Variants in UPRT observed in about 807,000 individuals in gnomAD.
UPRT encodes the protein RP11-311P8.3.
Under a neutral mutation model 22.6 loss-of-function variants are expected in UPRT, and 5 were observed. The observed-to-expected ratio is 0.22, with a 90% CI of 0.12 to 0.47. UPRT has a LOEUF of 0.47. Ranked by LOEUF, UPRT falls within the 20% of genes least tolerant of loss-of-function variation. The pLI is 0.99. For synonymous variants in UPRT, 77 were observed against 87.7 expected (o/e 0.88, Z 0.68); for missense variants, 181 against 239.9 (o/e 0.75, Z 1.62).
At chrX:75,235,223 C>A (rs1234610371) in intron 4 of UPRT, among the ~76,000 whole-genome samples, 1 of 111,479 alleles carries the variant, frequency 9.0e-6, no homozygotes, top group African/African-American at 3.3e-5. Flanking sequence ...TACACCCTCC[C>A]AAGACTAAAC....
At chrX:75,176,603 G>A (rs1004669641) in intron 4 of UPRT, among the ~76,000 whole-genome samples, 3 of 111,024 alleles carry the variant, frequency 2.7e-5, no homozygotes, top group Non-Finnish European at 3.8e-5. Context: ...CCGATAGCCT[G>A]GGGTTTTTTG....
intron 4 of UPRT, among the ~76,000 whole-genome samples, chrX:75,220,362 ACT>A (rs747530283): frequency 9.0e-6 from 1 of 110,731 alleles, no homozygotes; most frequent in East Asian, 2.9e-4. Flanking sequence ...CCATTCAGCC[ACT>A]CTTTCTCATT....
rs189538352 is a variant in UPRT, at chrX:75,221,113, T to C, written c.-447+53234T>C. Among the ~76,000 whole-genome samples the C allele has an allele frequency of 2.6e-3, 287 of 111,919 alleles. 1 individual carries two copies. Among genetic ancestry groups the C allele is most frequent in the African/African-American group, 8.7e-3 (268 of 30,933 alleles). On this transcript the variant is annotated intron_variant, in intron 4 of 13. Coordinates refer to the UPRT transcript ENST00000652605. ...ATTCTAGTGTAAACATGTTTCTTCTTTTAGCACTTTAAATATGTTATGCCA... is the reference window on the plus strand; with the variant it reads ...ATTCTAGTGTAAACATGTTTCTTCTCTTAGCACTTTAAATATGTTATGCCA...
intron 4 of UPRT, among the ~76,000 whole-genome samples, chrX:75,170,035 C>CTT (rs34570333): frequency 0.014 from 764 of 53,380 alleles, 15 homozygotes; most frequent in African/African-American, 0.041. Flanking sequence ...CGCTCTGTGT[C>CTT]TTTTTTTTTT....
upstream of UPRT, among the ~76,000 whole-genome samples, chrX:75,271,685 A>C (rs2082608485): frequency 8.9e-6 from 1 of 112,353 alleles, no homozygotes; most frequent in Non-Finnish European, 1.9e-5. Context: ...CAGCAAAAGG[A>C]ACAGTCAGCA....
chrX:75,285,626 C>A (rs759475963), intron 1 of UPRT: 1 of 111,565 alleles, frequency 9.0e-6, no homozygotes, highest in South Asian at 3.8e-4. Flanking sequence ...ACAGTTGGGG[C>A]ACTCACAGTA....
At chrX:75,224,998 A>G (rs1023289171) in intron 4 of UPRT, among the ~76,000 whole-genome samples, 8 of 111,419 alleles carry the variant, frequency 7.2e-5, no homozygotes, top group African/African-American at 2.6e-4. Flanking sequence ...GGTGAGAACA[A>G]TGGCAAGCTT....
rs1255954207 is a variant in UPRT, at chrX:75,304,714, A to G, written c.*1203A>G. 1 of 112,200 alleles carries G rather than the reference A, an allele frequency of 8.9e-6. No homozygotes were observed. The highest frequency in any genetic ancestry group is 1.9e-5 in the Non-Finnish European group (1 of 53,250). The allele number at this position is 112,200 out of a possible 1,213,427, so 9.2% of individuals were successfully genotyped here. ...GAAGGAAATGTCTTAGAAAGAATCA[A>G]AGCTGATGAAATCAGCAAAGATTGG... On this transcript the variant is annotated 3_prime_UTR_variant, in exon 7 of 7. Coordinates refer to ENST00000373383, the MANE Select transcript of UPRT (RefSeq NM_145052.4).
At chrX:75,271,365 G>C (rs1186612319), upstream of UPRT, among the ~76,000 whole-genome samples, 1 of 111,264 alleles carries the variant, frequency 9.0e-6, no homozygotes, top group Non-Finnish European at 1.9e-5. Context: ...ACTGATCTTC[G>C]ACAAAGCAAA....
chrX:75,182,541 A>T (rs1054503597), intron 4 of UPRT, among the ~76,000 whole-genome samples: 22 of 111,424 alleles, frequency 2.0e-4, no homozygotes, highest in African/African-American at 6.8e-4. Context: ...AAGACTCATT[A>T]TTGGTCAGTT....
chrX:75,190,495 T>C (rs2082311226), intron 4 of UPRT, among the ~76,000 whole-genome samples: 1 of 111,677 alleles, frequency 9.0e-6, no homozygotes, highest in South Asian at 3.8e-4. Flanking sequence ...TGTGGACTTT[T>C]CTGTATTTCC....
chrX:75,156,549 TAGTTA>T lies in UPRT; in HGVS notation c.-737+4_-737+8del, dbSNP rs2082180131. 2 of 458,058 alleles carry T rather than the reference TAGTTA, an allele frequency of 4.4e-6. No homozygotes were observed. 37.7% of individuals were successfully genotyped at this position (458,058 alleles called of 1,213,427 possible). On this transcript the variant is annotated splice_donor_variant and splice_donor_region_variant and 5_prime_UTR_variant and intron_variant, in exon 1 of 14. Transcript: ENST00000652605. LOFTEE classifies it low-confidence loss of function (5UTR_SPLICE). Reference sequence around the variant, plus strand: ...CCAGATGAAATACAGGATGCCTACCTAGTTAAGTTTCAATTTTACATAAACAACGA... The same window carrying T: ...CCAGATGAAATACAGGATGCCTACCTAGTTTCAATTTTACATAAACAACGA...
chrX:75,260,479 A>T (rs780451305), intron 4 of UPRT, among the ~76,000 whole-genome samples: 2 of 112,600 alleles, frequency 1.8e-5, no homozygotes, highest in Non-Finnish European at 3.8e-5. Flanking sequence ...CAGACTTTAA[A>T]CCAACAAAGT....
At chrX:75,217,154 G>A (rs1043106447) in intron 4 of UPRT, among the ~76,000 whole-genome samples, 3 of 111,847 alleles carry the variant, frequency 2.7e-5, no homozygotes, top group Non-Finnish European at 5.6e-5. Flanking sequence ...CATTGTTGTA[G>A]TCATGAGTGG....
intron 4 of UPRT, among the ~76,000 whole-genome samples, chrX:75,238,389 G>A (rs770331102): frequency 3.6e-5 from 4 of 111,613 alleles, no homozygotes; most frequent in Non-Finnish European, 5.7e-5. Flanking sequence ...ATAAAGAGGG[G>A]CATTATATAA....
intron 1 of UPRT, among the ~76,000 whole-genome samples, chrX:75,288,351 C>T (rs1333241335): frequency 9.0e-6 from 1 of 111,616 alleles, no homozygotes. Context: ...CAGCATCACC[C>T]TGATAACAAA....
upstream of UPRT, among the ~76,000 whole-genome samples, chrX:75,271,775 C>G (rs1458682890): frequency 9.0e-6 from 1 of 111,197 alleles, no homozygotes; most frequent in Non-Finnish European, 1.9e-5. Flanking sequence ...CCAGGATGTA[C>G]GAGGAACTCA....
chrX:75,162,494 G>T (rs765609892), intron 2 of UPRT, among the ~76,000 whole-genome samples: 68 of 103,133 alleles, frequency 6.6e-4, no homozygotes, highest in Admixed American at 2.2e-3. Context: ...TATTCTAAAA[G>T]ATGTTGAAGT....
chrX:75,264,055 T>C (rs761146001), intron 4 of UPRT, among the ~76,000 whole-genome samples: 7 of 112,342 alleles, frequency 6.2e-5, no homozygotes, highest in African/African-American at 1.3e-4. Flanking sequence ...TCCTGAGTTC[T>C]AGTTTGATTG....
Sources: allele counts gnomAD v4.1 joint callset (sites outside exome capture counted in the v4.1 genomes callset), GRCh38; gene constraint gnomAD v4.1.1; transcripts MANE v1.5; gene names NCBI Gene and HGNC (gene_info 2026-07-23, HGNC 2026-07-21).